The following SESN1 variants were observed in gnomAD, a reference collection of about 807,000 sequenced individuals.
The protein encoded by SESN1 is sestrin-1.
A neutral mutation model predicts 59.3 loss-of-function variants in SESN1; 30 were observed. That is an observed-to-expected ratio of 0.51 (90% CI 0.38 to 0.69). SESN1 has a LOEUF of 0.69. SESN1 is among the 30% of genes least tolerant of loss of function. The pLI, the probability that SESN1 is intolerant of heterozygous loss-of-function variation, is 0.00. For synonymous variants in SESN1, 197 were observed against 219.9 expected (o/e 0.90, Z 0.92); for missense variants, 566 against 673.0 (o/e 0.84, Z 1.76).
chr6:109,033,176 G>A (rs1562464632), intron 1 of SESN1, among the ~76,000 whole-genome samples: 1 of 152,156 alleles, frequency 6.6e-6, no homozygotes, highest in Non-Finnish European at 1.5e-5. Context: ...GATAGTCTGA[G>A]TTGTAGGGAG....
At chr6:109,036,555 T>C (rs1241826372) in intron 1 of SESN1, among the ~76,000 whole-genome samples, 1 of 152,244 alleles carries the variant, frequency 6.6e-6, no homozygotes, top group Non-Finnish European at 1.5e-5. Context: ...AAAGTGTATT[T>C]ATCAAATACT....
Position 108,988,575 on chromosome 6 carries a change from T to G in SESN1, c.1537A>C (p.Ser513Arg). 1.2e-6 allele frequency: 2 copies of G among 1,612,812 alleles called. No individual in the cohort carries two copies. The highest frequency in any genetic ancestry group is 2.2e-5 in the East Asian group (1 of 44,834). Reference sequence around the variant, plus strand: ...GAGTGCTTGAACTGCCTCCAGAAGCTATCATACATTCTTTTGGTAACCTTT... The same window carrying G: ...GAGTGCTTGAACTGCCTCCAGAAGCGATCATACATTCTTTTGGTAACCTTT... ...PEKVTKRMYD[S>R]FWRQFKHSEK... Residue 513 changes from serine to arginine, a missense_variant, in exon 9 of 10, where the codon AGC (serine) becomes CGC (arginine). By Grantham distance (110) the Ser-to-Arg change is moderately radical. Transcript: ENST00000436639.
intron 1 of SESN1, among the ~76,000 whole-genome samples, chr6:109,053,275 A>G (rs1490643661): frequency 1.3e-5 from 2 of 152,234 alleles, no homozygotes; most frequent in African/African-American, 2.4e-5. Context: ...GGGCTCAGAG[A>G]TAAGTCAAAT....
At chr6:108,998,384 TAG>T in intron 5 of SESN1, 127 bp downstream of exon 5, 1 of 1,013,416 alleles carries the variant, frequency 9.9e-7, no homozygotes, top group Non-Finnish European at 1.4e-6. Context: ...ACTGAATGAA[TAG>T]ATATAGGGGC....
chr6:109,031,690 C>A (rs1780184193), intron 1 of SESN1, among the ~76,000 whole-genome samples: 1 of 152,128 alleles, frequency 6.6e-6, no homozygotes, highest in African/African-American at 2.4e-5. Flanking sequence ...TGAAAGCTCC[C>A]AGGGTAGGAA....
chr6:108,989,586 G>A (rs944763952), intron 8 of SESN1, among the ~76,000 whole-genome samples: 1 of 150,338 alleles, frequency 6.7e-6, no homozygotes, highest in African/African-American at 2.5e-5. Context: ...TCTATATATA[G>A]AGAGAGATAG....
intron 1 of SESN1, among the ~76,000 whole-genome samples, chr6:109,092,477 C>G (rs1350756939): frequency 6.6e-6 from 1 of 152,146 alleles, no homozygotes; most frequent in Non-Finnish European, 1.5e-5. Context: ...GTTTCCCATT[C>G]TAATATGAAT....
intron 1 of SESN1, among the ~76,000 whole-genome samples, chr6:109,024,954 A>AGGTG (rs1780067390): frequency 6.6e-6 from 1 of 152,196 alleles, no homozygotes; most frequent in African/African-American, 2.4e-5. Flanking sequence ...AAGTAACAGA[A>AGGTG]ATCCTCAGAA....
intron 7 of SESN1, among the ~76,000 whole-genome samples, chr6:108,991,182 T>C (rs1390227671): frequency 1.3e-5 from 2 of 152,118 alleles, no homozygotes; most frequent in Admixed American, 1.3e-4. Context: ...GGGAGTCCCC[T>C]CTCCTTTTCC....
intron 1 of SESN1, among the ~76,000 whole-genome samples, chr6:109,046,206 G>A (rs2114427752): frequency 6.8e-6 from 1 of 147,992 alleles, no homozygotes; most frequent in African/African-American, 2.5e-5. Flanking sequence ...TGATTCTCCT[G>A]CCTCAGCCTG....
intron 1 of SESN1, among the ~76,000 whole-genome samples, chr6:109,033,607 T>C (rs1418421063): frequency 6.6e-6 from 1 of 152,164 alleles, no homozygotes; most frequent in Non-Finnish European, 1.5e-5. Context: ...GAGATCTAGA[T>C]TGCAACCCCA....
At chr6:109,049,380 G>T (rs527498442) in intron 1 of SESN1, among the ~76,000 whole-genome samples, 1 of 151,908 alleles carries the variant, frequency 6.6e-6, no homozygotes, top group Admixed American at 6.6e-5. Flanking sequence ...AAGCTGGGAA[G>T]AGTAGGGGGA....
At chr6:109,046,538 C>G (rs1294938435) in intron 1 of SESN1, among the ~76,000 whole-genome samples, 1 of 146,774 alleles carries the variant, frequency 6.8e-6, no homozygotes, top group Non-Finnish European at 1.5e-5. Flanking sequence ...CTCTGCCTGG[C>G]CACCCATCGT....
chr6:109,030,255 A>G (rs975302132), intron 1 of SESN1, among the ~76,000 whole-genome samples: 8 of 152,208 alleles, frequency 5.3e-5, no homozygotes, highest in African/African-American at 1.9e-4. Flanking sequence ...GTCTAAGGAG[A>G]GATATGACAA....
chr6:109,075,182 C>T (rs1284971558), intron 1 of SESN1, among the ~76,000 whole-genome samples: 3 of 152,140 alleles, frequency 2.0e-5, no homozygotes, highest in African/African-American at 7.2e-5. Context: ...AAGCATATAC[C>T]CTAAATCACA....
At chr6:109,010,137 G>A (rs1779832604) in intron 1 of SESN1, among the ~76,000 whole-genome samples, 1 of 152,058 alleles carries the variant, frequency 6.6e-6, no homozygotes, top group Admixed American at 6.5e-5. Context: ...TCTCTGAATC[G>A]TCTTTTTTCC....
chr6:109,073,790 A>G (rs1324105794), intron 1 of SESN1, among the ~76,000 whole-genome samples: 1 of 152,222 alleles, frequency 6.6e-6, no homozygotes, highest in African/African-American at 2.4e-5. Flanking sequence ...CTGAAGTTCT[A>G]CTTACCTTAA....
chr6:109,008,831 GAC>G, intron 1 of SESN1: 3 of 985,552 alleles, frequency 3.0e-6, no homozygotes, highest in Non-Finnish European at 3.6e-6. Flanking sequence ...GAGCTTGCAG[GAC>G]ACACTTATTC....
In SESN1 at chr6:109,093,822, T is replaced by G; in HGVS notation, c.252A>C (p.Lys84Asn). ...KRCPFKDVRE[K>N]SEFILKSIQE... ...GGATGCTCTTCAGAATAAACTCACT[T>G]TTCTCTCTCACATCTTTGAAGGGAC... is the stretch of plus-strand genomic sequence containing the variant. Residue 84 changes from lysine (K) to asparagine (N), a missense_variant, in exon 1 of 10, where the codon AAA becomes AAC. By Grantham distance (94) the Lys-to-Asn change is moderately conservative. Coordinates refer to ENST00000436639, the MANE Select transcript of SESN1 (RefSeq NM_014454.3). The G allele has an allele frequency of 6.2e-7, 1 of 1,614,078 alleles. No homozygotes were observed. Among genetic ancestry groups the G allele is most frequent in the Non-Finnish European group, 8.5e-7 (1 of 1,179,940 alleles).
Sources: gnomAD v4.1 joint callset for allele counts (sites outside exome capture counted in the v4.1 genomes callset) on GRCh38, gnomAD v4.1.1 for gene constraint, MANE v1.5 for transcripts, NCBI Gene and HGNC (gene_info 2026-07-23, HGNC 2026-07-21) for gene names.